VASH2: variants seen among roughly 807,000 people sequenced by gnomAD.
The protein encoded by VASH2 is vasohibin 2, also known as tubulinyl-Tyr carboxypeptidase 2.
A neutral mutation model predicts 37.2 loss-of-function variants in VASH2; 28 were observed. That is an observed-to-expected ratio of 0.75 (90% CI 0.56 to 1.03). The LOEUF is 1.03. VASH2 is among the 50% of genes least tolerant of loss of function. The pLI is 0.00. For missense variants in VASH2, 419 were observed against 459.1 expected (o/e 0.91, Z 0.80); for synonymous variants, 188 against 174.7 (o/e 1.08, Z -0.60).
intron 7 of VASH2, among the ~76,000 whole-genome samples, chr1:212,975,928 G>T (rs924838568): frequency 7.9e-5 from 12 of 152,192 alleles, no homozygotes; most frequent in Non-Finnish European, 1.8e-4. Flanking sequence ...TTGAAGACTA[G>T]TCCTGGTGGA....
At chr1:212,976,911 G>A (rs1325876152) in intron 7 of VASH2, among the ~76,000 whole-genome samples, 6 of 152,182 alleles carry the variant, frequency 3.9e-5, no homozygotes, top group Non-Finnish European at 7.4e-5. Flanking sequence ...CGCATGTCCC[G>A]GAGTCGACCC....
intron 3 of VASH2, among the ~76,000 whole-genome samples, chr1:212,965,277 GGTGTATACCT>G (rs1666805349): frequency 1.3e-5 from 2 of 152,190 alleles, no homozygotes; most frequent in South Asian, 4.1e-4. Context: ...TAGGTATGGT[GGTGTATACCT>G]GAGGTCCCAG....
At chr1:212,973,032 T>TC in intron 6 of VASH2, 71 bp downstream of exon 6, 5 of 1,543,394 alleles carry the variant, frequency 3.2e-6, no homozygotes, top group Non-Finnish European at 4.3e-6. Flanking sequence ...TGTCTCTTGC[T>TC]CCAGGCCTCA....
chr1:212,960,510 G>A (rs184288983), intron 2 of VASH2, among the ~76,000 whole-genome samples: 137 of 152,296 alleles, frequency 9.0e-4, no homozygotes, highest in Non-Finnish European at 1.6e-3. Flanking sequence ...TGTGGCACTC[G>A]TAGTGCCATG....
chr1:212,966,885 G>A, intron 5 of VASH2: 1 of 363,434 alleles, frequency 2.8e-6, no homozygotes, highest in South Asian at 2.1e-5. Flanking sequence ...AGGCCACCAT[G>A]CCCGGCTAAT....
At chr1:212,961,458 T>G in intron 3 of VASH2, 70 of 1,146,690 alleles carry the variant, frequency 6.1e-5, no homozygotes, top group Non-Finnish European at 7.5e-5. Context: ...GCAGGCTGGT[T>G]CCCCTTGAGC....
chr1:212,973,754 G>T (rs554755526), intron 6 of VASH2: 1 of 1,364,100 alleles, frequency 7.3e-7, no homozygotes, highest in Non-Finnish European at 9.5e-7. Context: ...TCTTGGAAGT[G>T]GTGCCCTTGC....
At chr1:212,983,190 G>A (rs1667384855) in intron 7 of VASH2, among the ~76,000 whole-genome samples, 1 of 152,188 alleles carries the variant, frequency 6.6e-6, no homozygotes, top group Admixed American at 6.5e-5. Context: ...AGTCTCTGAG[G>A]CAGGTGTAAT....
At chr1:212,969,194 CTTT>C (rs35147263) in intron 5 of VASH2, 552 of 915,600 alleles carry the variant, frequency 6.0e-4, no homozygotes, top group Non-Finnish European at 6.5e-4. Flanking sequence ...AATTCTTCTT[CTTT>C]TTTTTTTTTT....
intron 7 of VASH2, among the ~76,000 whole-genome samples, chr1:212,976,078 G>T (rs1274889124): frequency 1.3e-5 from 2 of 152,176 alleles, no homozygotes; most frequent in Non-Finnish European, 2.9e-5. Context: ...GAGTCAGGAG[G>T]TGGTGGTGGC....
chr1:212,966,054 C>A, intron 4 of VASH2: 1 of 600,598 alleles, frequency 1.7e-6, no homozygotes, highest in South Asian at 2.0e-5. Context: ...GTAATGCCCC[C>A]GTGCTGGGGC....
chr1:212,977,000 C>T (rs544430168), intron 7 of VASH2, among the ~76,000 whole-genome samples: 48 of 151,268 alleles, frequency 3.2e-4, no homozygotes, highest in African/African-American at 1.0e-3. Context: ...TTTTCAAAAA[C>T]GATGAGAAGT....
chr1:212,967,635 G>T, intron 5 of VASH2: 1 of 204,974 alleles, frequency 4.9e-6, no homozygotes, highest in South Asian at 1.2e-4. Context: ...ACAGGCTGAA[G>T]GACAGATTGG....
intron 7 of VASH2, among the ~76,000 whole-genome samples, chr1:212,980,448 T>C (rs1667309604): frequency 6.6e-6 from 1 of 152,192 alleles, no homozygotes; most frequent in African/African-American, 2.4e-5. Flanking sequence ...TTTCTTCCTC[T>C]TTGATTTCCC....
chr1:212,951,444 T>A lies in VASH2; in HGVS notation c.-99T>A. The A allele has an allele frequency of 1.5e-6, 1 of 651,658 alleles. No individual in the cohort carries two copies. Among genetic ancestry groups the A allele is most frequent in the Non-Finnish European group, 1.9e-6 (1 of 519,406 alleles). The allele number at this position is 651,658 out of a possible 1,614,324, so 40.4% of individuals were successfully genotyped here. ...GGAGAAGGCCGCCCCCGCGGGGCGC[T>A]GATCCCCTCGCCGCGCCCGCGCGCA... On this transcript the variant is annotated 5_prime_UTR_variant, in exon 2 of 8. An upstream open reading frame in the 5' UTR loses its in-frame stop. Coordinates refer to ENST00000517399, the MANE Select transcript of VASH2 (RefSeq NM_001301056.2). The surrounding 1 kb of genome is among the most constrained non-coding windows in gnomAD (Gnocchi z 4.4).
intron 2 of VASH2, among the ~76,000 whole-genome samples, chr1:212,953,187 T>TA (rs1486506052): frequency 6.6e-6 from 1 of 151,984 alleles, no homozygotes; most frequent in Non-Finnish European, 1.5e-5. Context: ...ACCCTGCCTC[T>TA]AATTGTGCTT....
rs1470261886 is a variant in VASH2 at position 212,971,938 on chromosome 1, CACAAGATACAAACAATT to C, written c.498-638_498-622del. The stretch of plus-strand genomic sequence containing the variant: ...GGATGTGAGACACAACCCCCGCCCT[CACAAGATACAAACAATT>C]ACAGTACAGGATGGGTAAGCACCAA... On this transcript the variant is annotated intron_variant, in intron 5 of 7. Coordinates refer to ENST00000517399, the MANE Select transcript of VASH2 (RefSeq NM_001301056.2). This position sits in a 1 kb window ranked among gnomAD's most constrained non-coding sequence, Gnocchi z 4.0. 2.0e-5 allele frequency among the ~76,000 whole-genome samples: 3 copies of C among 152,198 alleles called. No individual in the cohort carries two copies. In the East Asian group the frequency reaches 5.8e-4, roughly 29 times the overall value.
intron 5 of VASH2, chr1:212,967,226 A>G: frequency 7.7e-7 from 1 of 1,301,070 alleles, no homozygotes; most frequent in Non-Finnish European, 1.0e-6. Flanking sequence ...CTGTGATGGC[A>G]TCGACATATT....
At chr1:212,970,877 G>A (rs1257760660) in intron 5 of VASH2, among the ~76,000 whole-genome samples, 1 of 150,496 alleles carries the variant, frequency 6.6e-6, no homozygotes, top group African/African-American at 2.5e-5. Flanking sequence ...GTGACAGAGT[G>A]AGACTGTGTC....
Sources: gnomAD v4.1 joint callset for allele counts (sites outside exome capture counted in the v4.1 genomes callset) on GRCh38, gnomAD v4.1.1 for gene constraint, Gnocchi (gnomAD v3.1) non-coding constraint, MANE v1.5 for transcripts, NCBI Gene and HGNC (gene_info 2026-07-23, HGNC 2026-07-21) for gene names.